KCNQ3: variants seen among roughly 807,000 people sequenced by gnomAD.
KCNQ3 encodes the protein potassium voltage-gated channel subfamily KQT member 3.
A neutral mutation model predicts 92.5 loss-of-function variants in KCNQ3; 30 were observed. The ratio of observed to expected loss-of-function variants is 0.32; its 90% CI spans 0.24 to 0.44. The LOEUF (loss-of-function observed/expected upper bound fraction) is 0.44, where lower values mean the gene tolerates loss of function less well. Ranked by LOEUF, KCNQ3 falls within the 20% of genes least tolerant of loss-of-function variation. The pLI is 1.00. For synonymous variants in KCNQ3, 450 were observed against 468.8 expected, an observed-to-expected ratio of 0.96 and a Z score of 0.52; for missense variants, 913 against 1,140.3, an observed-to-expected ratio of 0.80 and a Z score of 2.87.
chr8:132,380,931 G>GAAAAAAAAA (rs553931640), intron 1 of KCNQ3, among the ~76,000 whole-genome samples: 2 of 87,462 alleles, frequency 2.3e-5, no homozygotes, highest in Admixed American at 1.2e-4. Context: ...AATGAAAGCA[G>GAAAAAAAAA]AAAAAAAAAA....
chr8:132,308,299 C>T (rs1333843661), intron 1 of KCNQ3, among the ~76,000 whole-genome samples: 1 of 152,016 alleles, frequency 6.6e-6, no homozygotes, highest in Admixed American at 6.6e-5. Flanking sequence ...TTCCCGAAGC[C>T]TGAACAAGTG....
rs1824457168 is a variant in KCNQ3, at chr8:132,121,169, G to A, written c.*8093C>T. 1 of 152,088 alleles carries A rather than the reference G, an allele frequency of 6.6e-6. No individual in the cohort carries two copies. The highest frequency in any genetic ancestry group is 1.5e-5 in the Non-Finnish European group (1 of 68,010). 9.4% of individuals were successfully genotyped at this position (152,088 alleles called of 1,614,324 possible). On this transcript the variant is annotated 3_prime_UTR_variant, in exon 15 of 15. Transcript: ENST00000388996. ...GCACCAGAATTCTATGCCATAAAAA[G>A]GGGTTAAAAAATACAATCCAAAATC...
chr8:132,426,904 ATAGGCTAGATCCCT>A (rs1821127975), intron 1 of KCNQ3, among the ~76,000 whole-genome samples: 1 of 152,180 alleles, frequency 6.6e-6, no homozygotes, highest in Non-Finnish European at 1.5e-5. Flanking sequence ...CTAAGAAGGG[ATAGGCTAGATCCCT>A]TCTAACTCTA....
At chr8:132,436,612 C>A (rs949620937) in intron 1 of KCNQ3, among the ~76,000 whole-genome samples, 1 of 152,096 alleles carries the variant, frequency 6.6e-6, no homozygotes, top group Non-Finnish European at 1.5e-5. Context: ...ATTTTTGTTT[C>A]TTTGTTTCAA....
rs548565123 is a variant in KCNQ3, at chr8:132,126,062, A to C, written c.*3200T>G. 1 of 152,368 alleles carries C rather than the reference A, an allele frequency of 6.6e-6. No individual in the cohort carries two copies. Among genetic ancestry groups the C allele is most frequent in the South Asian group, 2.1e-4 (1 of 4,832 alleles). 9.4% of individuals were successfully genotyped at this position (152,368 alleles called of 1,614,324 possible). ...TTGATCTTGCTAAAATATGACCTTT[A>C]AAATTTTTCATGTCACATTGTGACC... On this transcript the variant is annotated 3_prime_UTR_variant, in exon 15 of 15. Transcript: ENST00000388996.
intron 8 of KCNQ3, among the ~76,000 whole-genome samples, chr8:132,166,961 T>C (rs928082449): frequency 6.6e-6 from 1 of 152,266 alleles, no homozygotes; most frequent in African/African-American, 2.4e-5. Context: ...CATATGTCCA[T>C]AGAATGTGTA....
chr8:132,172,579 C>A lies in KCNQ3; in HGVS notation c.1140+19G>T. 1 of 1,605,330 alleles carries A rather than the reference C, an allele frequency of 6.2e-7. No individual in the cohort carries two copies. The highest frequency in any genetic ancestry group is 2.2e-5 in the East Asian group (1 of 44,824). ...CATGGATCTTAATCCCATTCCAGTT[C>A]ATTCCCAGGCAGACAGACCTGAATG... On this transcript the variant is annotated intron_variant, in intron 7 of 14. Coordinates refer to ENST00000388996, the MANE Select transcript of KCNQ3 (RefSeq NM_004519.4).
chr8:132,267,014 C>A (rs943773466), intron 1 of KCNQ3, among the ~76,000 whole-genome samples: 1 of 152,160 alleles, frequency 6.6e-6, no homozygotes, highest in African/African-American at 2.4e-5. Flanking sequence ...AAAACATTTT[C>A]TCCATGTGAA....
At chr8:132,310,949 T>C (rs1170783999) in intron 1 of KCNQ3, among the ~76,000 whole-genome samples, 1 of 148,940 alleles carries the variant, frequency 6.7e-6, no homozygotes, top group Non-Finnish European at 1.5e-5. Context: ...TTTTTTTTCT[T>C]TTTTTTTTTT....
intron 3 of KCNQ3, among the ~76,000 whole-genome samples, chr8:132,184,012 A>G (rs117181163): frequency 6.6e-6 from 1 of 152,252 alleles, no homozygotes; most frequent in East Asian, 1.9e-4. Context: ...ACCCTGCCAA[A>G]TAAGAATCCC....
intron 1 of KCNQ3, among the ~76,000 whole-genome samples, chr8:132,284,849 A>C (rs1816631584): frequency 6.6e-6 from 1 of 152,224 alleles, no homozygotes; most frequent in South Asian, 2.1e-4. Flanking sequence ...AGACTAAATT[A>C]GTTCTGGCAG....
At position 132,121,093 on chromosome 8, in the gene KCNQ3, A is replaced by T. The variant is rs1824454125; in HGVS notation, c.*8169T>A. The T allele has an allele frequency of 6.6e-6, 1 of 152,232 alleles. No homozygotes were observed. The highest frequency in any genetic ancestry group is 1.9e-4 in the East Asian group (1 of 5,198). 9.4% of individuals were successfully genotyped at this position (152,232 alleles called of 1,614,324 possible). On this transcript the variant is annotated 3_prime_UTR_variant, in exon 15 of 15. Transcript: ENST00000388996. Reference sequence around the variant, plus strand: ...GAATAGTTGTGTTCCCCTGTAAGCCAGAATGTGAAGAAAGCCTACTCGTAG... The same window carrying T: ...GAATAGTTGTGTTCCCCTGTAAGCCTGAATGTGAAGAAAGCCTACTCGTAG...
intron 1 of KCNQ3, among the ~76,000 whole-genome samples, chr8:132,410,318 G>A (rs1820615474): frequency 6.6e-6 from 1 of 152,178 alleles, no homozygotes; most frequent in Non-Finnish European, 1.5e-5. Context: ...TTTTCCTAAA[G>A]GGAGAGGTAA....
intron 1 of KCNQ3, among the ~76,000 whole-genome samples, chr8:132,242,923 G>A (rs1205845269): frequency 1.3e-5 from 2 of 152,158 alleles, no homozygotes; most frequent in African/African-American, 2.4e-5. Context: ...AGGTAGCTCT[G>A]GGTTTAATGA....
intron 1 of KCNQ3, among the ~76,000 whole-genome samples, chr8:132,270,888 T>G (rs1310704568): frequency 2.0e-5 from 3 of 152,338 alleles, no homozygotes; most frequent in African/African-American, 7.2e-5. Flanking sequence ...CCCAGGGATG[T>G]TTACTTTAAC....
chr8:132,139,681 C>T (rs1274972690), intron 11 of KCNQ3, among the ~76,000 whole-genome samples: 1 of 152,102 alleles, frequency 6.6e-6, no homozygotes, highest in East Asian at 1.9e-4. Context: ...CTAATTAAAA[C>T]AAACTATATG....
intron 1 of KCNQ3, among the ~76,000 whole-genome samples, chr8:132,195,917 C>T (rs1343783569): frequency 1.3e-5 from 2 of 151,820 alleles, no homozygotes; most frequent in Non-Finnish European, 2.9e-5. Flanking sequence ...GTTACAAGAC[C>T]CAAAAGAGTA....
chr8:132,246,740 T>G (rs1815192821), intron 1 of KCNQ3, among the ~76,000 whole-genome samples: 1 of 152,178 alleles, frequency 6.6e-6, no homozygotes, highest in Non-Finnish European at 1.5e-5. Context: ...ACTCCGTCTT[T>G]CCTAACCAGC....
rs1252630131 is a variant in KCNQ3 at position 132,139,866 on chromosome 8, A to C, written c.1568+210T>G. The stretch of plus-strand genomic sequence containing the variant: ...GTTTATAACAAGGCAGGTACCTACG[A>C]GTCACCCATCATGACTTGCTAACGT... On this transcript the variant is annotated intron_variant, in intron 11 of 14. Coordinates refer to ENST00000388996, the MANE Select transcript of KCNQ3 (RefSeq NM_004519.4). 2.6e-5 allele frequency among the ~76,000 whole-genome samples: 4 copies of C among 152,264 alleles called. No homozygotes were observed. In the East Asian group the frequency reaches 7.7e-4, roughly 29 times the overall value.
Sources: allele counts gnomAD v4.1 joint callset (sites outside exome capture counted in the v4.1 genomes callset), GRCh38; gene constraint gnomAD v4.1.1; transcripts MANE v1.5; gene names NCBI Gene and HGNC (gene_info 2026-07-23, HGNC 2026-07-21).